The following PLCG2 variants were observed in gnomAD, a reference collection of about 807,000 sequenced individuals.
PLCG2 encodes 1-phosphatidylinositol 4,5-bisphosphate phosphodiesterase gamma-2.
In PLCG2, 69 loss-of-function variants were observed where a neutral mutation model predicts 175.6. That is an observed-to-expected ratio of 0.39 (90% CI 0.32 to 0.48). PLCG2 has a LOEUF of 0.48. PLCG2 is among the 20% of genes least tolerant of loss of function. The pLI is 0.91. For synonymous variants in PLCG2, 827 were observed against 624.0 expected (o/e 1.33, Z -4.85); for missense variants, 1,798 against 1,650.9 (o/e 1.09, Z -1.54).
chr16:81,866,068 G>A (rs1244279390), intron 5 of PLCG2, among the ~76,000 whole-genome samples: 1 of 119,924 alleles, frequency 8.3e-6, no homozygotes, highest in African/African-American at 3.4e-5. Flanking sequence ...CCTCTCCCTT[G>A]CTCCCAGGAT....
chr16:81,879,085 T>C (rs562392577), intron 7 of PLCG2, among the ~76,000 whole-genome samples: 1 of 152,102 alleles, frequency 6.6e-6, no homozygotes, highest in Non-Finnish European at 1.5e-5. Flanking sequence ...AGTGGGGGAA[T>C]GCGGTGCGGG....
chr16:81,880,644 A>G (rs577869901), intron 7 of PLCG2, among the ~76,000 whole-genome samples: 2 of 152,368 alleles, frequency 1.3e-5, no homozygotes, highest in East Asian at 3.9e-4. Flanking sequence ...TCCCTAAAAC[A>G]AATTCTAGAA....
chr16:81,794,997 C>T (rs1911402694), intron 2 of PLCG2, among the ~76,000 whole-genome samples: 1 of 152,144 alleles, frequency 6.6e-6, no homozygotes, highest in Non-Finnish European at 1.5e-5. Flanking sequence ...GTCTTGTTTT[C>T]AAGAGTTGTC....
intron 1 of PLCG2, among the ~76,000 whole-genome samples, chr16:81,740,760 A>AAAAAAAAAC (rs1909575262): frequency 7.4e-6 from 1 of 134,400 alleles, no homozygotes; most frequent in African/African-American, 2.9e-5. Context: ...AAAAAAAAAA[A>AAAAAAAAAC]CCGAAACCAA....
At chr16:81,934,677 G>A (rs984827110) in intron 26 of PLCG2, 146 bp downstream of exon 26, 55 of 636,934 alleles carry the variant, frequency 8.6e-5, no homozygotes, top group Middle Eastern at 2.5e-4. Flanking sequence ...TTTGTCCTCC[G>A]AGTGAGGGAG....
chr16:81,766,489 TCCTCCTCCTCTTCCTCC>T (rs2143099090), intron 2 of PLCG2, among the ~76,000 whole-genome samples: 1 of 151,194 alleles, frequency 6.6e-6, no homozygotes, highest in Non-Finnish European at 1.5e-5. Flanking sequence ...CTCTTCCTCC[TCCTCCTCCTCTTCCTCC>T]TCCTCCTCAG....
At chr16:81,780,961 A>G (rs1166973935) in intron 1 of PLCG2, among the ~76,000 whole-genome samples, 1 of 152,192 alleles carries the variant, frequency 6.6e-6, no homozygotes, top group African/African-American at 2.4e-5. Context: ...CAGGAGGTGG[A>G]GGTTGCAGTG....
In PLCG2 at chr16:81,891,601, G is replaced by T; in HGVS notation, c.986+11G>T. ...CTCGTCACATAACACGTGAGTTTCA[G>T]ATGAGCCTGTGATGGGTTGGGCAGC... On this transcript the variant is annotated intron_variant, in intron 11 of 32. Coordinates refer to ENST00000564138, the MANE Select transcript of PLCG2 (RefSeq NM_002661.5). 1 of 1,470,662 alleles carries T rather than the reference G, an allele frequency of 6.8e-7. No homozygotes were observed. The highest frequency in any genetic ancestry group is 9.5e-7 in the Non-Finnish European group (1 of 1,049,926). 91.1% of individuals were successfully genotyped at this position (1,470,662 alleles called of 1,614,324 possible).
At chr16:81,795,844 C>T (rs1306515493) in intron 2 of PLCG2, among the ~76,000 whole-genome samples, 1 of 152,232 alleles carries the variant, frequency 6.6e-6, no homozygotes, top group African/African-American at 2.4e-5. Flanking sequence ...GGATCACAGG[C>T]ATGGGCCACT....
At chr16:81,801,481 G>A (rs1911714176) in intron 2 of PLCG2, among the ~76,000 whole-genome samples, 1 of 152,084 alleles carries the variant, frequency 6.6e-6, no homozygotes, top group Admixed American at 6.5e-5. Flanking sequence ...TAACATCCAT[G>A]AGCAATTTCA....
At chr16:81,854,144 G>T (rs747277208) in intron 2 of PLCG2, among the ~76,000 whole-genome samples, 4 of 152,066 alleles carry the variant, frequency 2.6e-5, no homozygotes, top group Non-Finnish European at 4.4e-5. Context: ...AATCTCAGTT[G>T]CATTACAAAA....
chr16:81,854,262 G>T (rs895749040), intron 2 of PLCG2, among the ~76,000 whole-genome samples, 182 bp from the exon 3 acceptor site: 2 of 152,200 alleles, frequency 1.3e-5, no homozygotes, highest in Admixed American at 6.5e-5. Context: ...TGCCCGGGTA[G>T]GGTCTTAGCC....
intron 2 of PLCG2, among the ~76,000 whole-genome samples, chr16:81,832,161 A>G (rs1448394964): frequency 3.3e-5 from 5 of 152,130 alleles, no homozygotes; most frequent in East Asian, 1.9e-4. Context: ...GGAAATGCAC[A>G]TAAAGCCTTT....
intron 2 of PLCG2, among the ~76,000 whole-genome samples, chr16:81,770,019 G>A (rs1324157109): frequency 6.6e-6 from 1 of 152,126 alleles, no homozygotes; most frequent in Non-Finnish European, 1.5e-5. Flanking sequence ...GAAGGGCCCT[G>A]ATGCAAGGTA....
intron 1 of PLCG2, among the ~76,000 whole-genome samples, chr16:81,740,042 G>A (rs1293626808): frequency 6.6e-6 from 1 of 150,380 alleles, no homozygotes; most frequent in Non-Finnish European, 1.5e-5. Flanking sequence ...GGAGGCTGAG[G>A]CAGGAGAATC....
intron 5 of PLCG2, among the ~76,000 whole-genome samples, chr16:81,867,023 C>T (rs4243218): frequency 0.44 from 66,631 of 152,120 alleles, 16,116 homozygotes; most frequent in Non-Finnish European, 0.53. Flanking sequence ...CTGTGAAAGC[C>T]GTGGGTGCTG....
At chr16:81,774,636 G>A (rs1359264139), upstream of PLCG2, among the ~76,000 whole-genome samples, 3 of 152,144 alleles carry the variant, frequency 2.0e-5, no homozygotes, top group Non-Finnish European at 4.4e-5. Context: ...GGTAGGGTTG[G>A]CGAGGTTCCC....
At chr16:81,821,679 G>T (rs1194589271) in intron 2 of PLCG2, among the ~76,000 whole-genome samples, 3 of 152,180 alleles carry the variant, frequency 2.0e-5, no homozygotes, top group Non-Finnish European at 4.4e-5. Context: ...AGAAAAAAAT[G>T]TATAAGCAGC....
At chr16:81,838,286 C>G (rs1419441091) in intron 2 of PLCG2, among the ~76,000 whole-genome samples, 1 of 152,092 alleles carries the variant, frequency 6.6e-6, no homozygotes, top group African/African-American at 2.4e-5. Context: ...GGGGTTTCAC[C>G]ATGTTTCCCA....
Sources: gnomAD v4.1 joint callset for allele counts (sites outside exome capture counted in the v4.1 genomes callset) on GRCh38, gnomAD v4.1.1 for gene constraint, MANE v1.5 for transcripts, NCBI Gene and HGNC (gene_info 2026-07-23, HGNC 2026-07-21) for gene names.